Variants in PPP6R3 observed in about 807,000 individuals in gnomAD.
PPP6R3 encodes the protein serine/threonine-protein phosphatase 6 regulatory subunit 3.
Under a neutral mutation model 110.7 loss-of-function variants are expected in PPP6R3, and 38 were observed. That is an observed-to-expected ratio of 0.34 (90% CI 0.26 to 0.45). PPP6R3 has a LOEUF of 0.45. PPP6R3 is among the 20% of genes least tolerant of loss of function. PPP6R3 has a pLI of 1.00. For synonymous variants in PPP6R3, 369 were observed against 373.5 expected (o/e 0.99, Z 0.14); for missense variants, 870 against 1,062.4 (o/e 0.82, Z 2.52).
chr11:68,489,733 G>A (rs1383659974), intron 1 of PPP6R3, among the ~76,000 whole-genome samples: 2 of 151,194 alleles, frequency 1.3e-5, no homozygotes, highest in African/African-American at 4.9e-5. Flanking sequence ...AGACATAATG[G>A]TATTGCACAC....
intron 2 of PPP6R3, among the ~76,000 whole-genome samples, chr11:68,537,074 G>A (rs534064055): frequency 7.9e-5 from 12 of 152,300 alleles, no homozygotes; most frequent in Admixed American, 3.9e-4. Context: ...TGTATGTGGC[G>A]TAGTGATTAG....
rs1200532686 is a variant in PPP6R3 at position 68,613,617 on chromosome 11, T to A, written c.*500T>A. 9.1e-6 allele frequency: 9 copies of A among 985,796 alleles called. No homozygotes were observed. The highest frequency in any genetic ancestry group is 1.7e-5 in the African/African-American group (1 of 57,258). The allele number at this position is 985,796 out of a possible 1,614,324, so 61.1% of individuals were successfully genotyped here. ...ATGAAAATGCCCTCTAAGTGTTATTTTGGTTGTTCTAACTTACAAAAGTGA... is the reference window on the plus strand; with the variant it reads ...ATGAAAATGCCCTCTAAGTGTTATTATGGTTGTTCTAACTTACAAAAGTGA... On this transcript the variant is annotated 3_prime_UTR_variant, in exon 24 of 24. Coordinates refer to ENST00000393800, the MANE Select transcript of PPP6R3 (RefSeq NM_001164161.2).
chr11:68,563,537 G>A (rs976045741), intron 8 of PPP6R3, among the ~76,000 whole-genome samples: 6 of 152,154 alleles, frequency 3.9e-5, no homozygotes, highest in Admixed American at 6.5e-5. Flanking sequence ...CAGGCCCTAC[G>A]TATTAGAATG....
At chr11:68,554,092 T>C (rs971462168) in intron 6 of PPP6R3, 53 bp from the exon 7 acceptor site, 2 of 1,307,014 alleles carry the variant, frequency 1.5e-6, no homozygotes, top group East Asian at 2.4e-5. Context: ...TTTTAAATTA[T>C]AAATTTAACT....
chr11:68,507,115 A>G (rs1238371651), intron 1 of PPP6R3, among the ~76,000 whole-genome samples: 1 of 152,238 alleles, frequency 6.6e-6, no homozygotes. Context: ...GTGCATAGCC[A>G]AACAATGATG....
At chr11:68,584,794 A>G (rs1472283916) in intron 15 of PPP6R3, among the ~76,000 whole-genome samples, 3 of 152,214 alleles carry the variant, frequency 2.0e-5, no homozygotes, top group Non-Finnish European at 4.4e-5. Flanking sequence ...ACTTCATATG[A>G]ACTTTTCAAA....
At chr11:68,595,929 C>G (rs1160134725) in intron 18 of PPP6R3, among the ~76,000 whole-genome samples, 168 bp from the exon 19 acceptor site, 1 of 152,192 alleles carries the variant, frequency 6.6e-6, no homozygotes, top group Non-Finnish European at 1.5e-5. Flanking sequence ...GGGCAGCACG[C>G]ACGCAAAGCT....
At chr11:68,609,881 G>A (rs200149633) in intron 22 of PPP6R3, 23 bp from the exon 23 acceptor site, 1 of 1,613,580 alleles carries the variant, frequency 6.2e-7, no homozygotes, top group African/African-American at 1.3e-5. Context: ...TGTTTGATGT[G>A]CCTGTCATCC....
chr11:68,613,669 T>C lies in PPP6R3; in HGVS notation c.*552T>C. On this transcript the variant is annotated 3_prime_UTR_variant, in exon 24 of 24. Transcript: ENST00000393800. ...TTTGAATAAGAAATATTTGGTGTTC[T>C]TTTTATAACCAGTTTTTGATTGGTA... The C allele has an allele frequency of 1.0e-6, 1 of 984,964 alleles. No homozygotes were observed. The highest frequency in any genetic ancestry group is 4.7e-5 in the South Asian group (1 of 21,278). The allele number at this position is 984,964 out of a possible 1,614,324, so 61.0% of individuals were successfully genotyped here.
chr11:68,476,336 G>T (rs1182886823), intron 1 of PPP6R3, among the ~76,000 whole-genome samples: 2 of 152,082 alleles, frequency 1.3e-5, no homozygotes, highest in Non-Finnish European at 2.9e-5. Context: ...GGCGGCGCAC[G>T]CCTGCAATCG....
intron 15 of PPP6R3, among the ~76,000 whole-genome samples, chr11:68,585,658 T>C (rs1468972604): frequency 6.6e-6 from 1 of 152,220 alleles, no homozygotes; most frequent in Non-Finnish European, 1.5e-5. Context: ...AGATTTGAAA[T>C]GTGAAGTTCT....
Position 68,613,730 on chromosome 11 carries a change from G to T in PPP6R3, c.*613G>T. On this transcript the variant is annotated 3_prime_UTR_variant, in exon 24 of 24. Coordinates refer to ENST00000393800, the MANE Select transcript of PPP6R3 (RefSeq NM_001164161.2). The stretch of plus-strand genomic sequence containing the variant: ...GTATTGTTTAAAACGGATCAAAAAT[G>T]TAAGTCTATTGGTAGAGATTAAGTA... 2 of 975,810 alleles carry T rather than the reference G, an allele frequency of 2.0e-6. No individual in the cohort carries two copies. Among genetic ancestry groups the T allele is most frequent in the Non-Finnish European group, 2.4e-6 (2 of 825,414 alleles). The allele number at this position is 975,810 out of a possible 1,614,324, so 60.4% of individuals were successfully genotyped here.
intron 5 of PPP6R3, among the ~76,000 whole-genome samples, chr11:68,548,462 T>G (rs1285090498): frequency 6.6e-6 from 1 of 152,300 alleles, no homozygotes. Context: ...CTTTTGCTGG[T>G]TTGCTTTTTA....
intron 22 of PPP6R3, among the ~76,000 whole-genome samples, chr11:68,603,699 G>A (rs2099638709): frequency 6.6e-6 from 1 of 152,182 alleles, no homozygotes; most frequent in East Asian, 1.9e-4. Context: ...CCATAAATGT[G>A]TTCAGAAGAC....
Position 68,614,242 on chromosome 11 carries a change from T to A in PPP6R3, c.*1125T>A. The A allele has an allele frequency of 1.0e-6, 1 of 1,000,496 alleles. No individual in the cohort carries two copies. The highest frequency in any genetic ancestry group is 1.2e-6 in the Non-Finnish European group (1 of 839,312). The allele number at this position is 1,000,496 out of a possible 1,614,324, so 62.0% of individuals were successfully genotyped here. On this transcript the variant is annotated 3_prime_UTR_variant, in exon 24 of 24. Coordinates refer to ENST00000393800, the MANE Select transcript of PPP6R3 (RefSeq NM_001164161.2). The stretch of plus-strand genomic sequence containing the variant: ...AGTGTATTTTTTTAGAACTGGTTTG[T>A]GTATATATATAGTGATTATGGATAC...
chr11:68,573,886 G>A (rs987513284), intron 12 of PPP6R3, among the ~76,000 whole-genome samples: 19 of 152,310 alleles, frequency 1.2e-4, no homozygotes, highest in Non-Finnish European at 2.4e-4. Context: ...GACTGAGGCT[G>A]CCATATAATC....
At position 68,544,940 on chromosome 11, in the gene PPP6R3, C is replaced by T. The variant is rs767747310; in HGVS notation, c.330C>T (p.Leu110=). Residue 110 remains leucine (L), a synonymous_variant, in exon 4 of 24, where the codon CTC becomes CTT. Coordinates refer to ENST00000393800, the MANE Select transcript of PPP6R3 (RefSeq NM_001164161.2). ...ESLLMKLYSF[L]LNDSPLNPLL... ...TGCTAATGAAATTATATAGCTTCCT[C>T]CTAAACGATTCCCCTTTGAATCCAC... 6 of 1,605,168 alleles carry T rather than the reference C, an allele frequency of 3.7e-6. No homozygotes were observed. Among genetic ancestry groups the T allele is most frequent in the Middle Eastern group, 1.6e-4 (1 of 6,066 alleles).
At chr11:68,485,116 A>T (rs1054109780) in intron 1 of PPP6R3, among the ~76,000 whole-genome samples, 4 of 151,640 alleles carry the variant, frequency 2.6e-5, no homozygotes, top group Admixed American at 1.3e-4. Flanking sequence ...TTTGTTTTAT[A>T]CCTAAGTATT....
intron 1 of PPP6R3, among the ~76,000 whole-genome samples, chr11:68,463,354 A>AG (rs751251582): frequency 7.0e-6 from 1 of 143,308 alleles, no homozygotes; most frequent in Non-Finnish European, 1.5e-5. Context: ...ACTCAGTCTC[A>AG]GAAAAAAAAA....
Sources: gnomAD v4.1 joint callset for allele counts (sites outside exome capture counted in the v4.1 genomes callset) on GRCh38, gnomAD v4.1.1 for gene constraint, MANE v1.5 for transcripts, NCBI Gene and HGNC (gene_info 2026-07-23, HGNC 2026-07-21) for gene names.